Variants in CTNNBL1 observed in about 807,000 individuals in gnomAD.
CTNNBL1 encodes the protein beta-catenin-like protein 1.
CTNNBL1 carries 31 observed loss-of-function variants against 72.7 expected under a neutral mutation model. The observed-to-expected ratio is 0.43, with a 90% CI of 0.32 to 0.58. CTNNBL1 has a LOEUF of 0.58. CTNNBL1 is among the 20% of genes least tolerant of loss of function. The pLI, the probability that CTNNBL1 is intolerant of heterozygous loss-of-function variation, is 0.08. For synonymous variants in CTNNBL1, 240 were observed against 267.3 expected, an observed-to-expected ratio of 0.90 and a Z score of 1.00; for missense variants, 534 against 725.1, an observed-to-expected ratio of 0.74 and a Z score of 3.03.
At chr20:37,808,259 C>A (rs2071977678) in intron 11 of CTNNBL1, among the ~76,000 whole-genome samples, 1 of 152,194 alleles carries the variant, frequency 6.6e-6, no homozygotes. Context: ...TATCAGGAAG[C>A]ATACGGCTGC....
At chr20:37,716,157 G>T (rs1208126634) in intron 1 of CTNNBL1, among the ~76,000 whole-genome samples, 1 of 152,094 alleles carries the variant, frequency 6.6e-6, no homozygotes, top group Admixed American at 6.5e-5. Context: ...ATTACCTTTG[G>T]TAGAGCTTCT....
intron 1 of CTNNBL1, among the ~76,000 whole-genome samples, chr20:37,717,480 AAAT>A (rs1392983177): frequency 6.6e-6 from 1 of 152,226 alleles, no homozygotes; most frequent in Non-Finnish European, 1.5e-5. Context: ...TTAAACCTAT[AAAT>A]AATTTTAAAT....
chr20:37,737,973 G>A (rs6020577), intron 3 of CTNNBL1, among the ~76,000 whole-genome samples: 6 of 152,248 alleles, frequency 3.9e-5, no homozygotes, highest in African/African-American at 9.6e-5. Context: ...TCAGTGCCCC[G>A]GGCTGACAAA....
chr20:37,833,224 T>A (rs2072226580), intron 11 of CTNNBL1, among the ~76,000 whole-genome samples: 1 of 152,206 alleles, frequency 6.6e-6, no homozygotes, highest in Non-Finnish European at 1.5e-5. Context: ...CTGAAAATTA[T>A]AAAACTCGAA....
At chr20:37,848,445 TG>T (rs973598526) in intron 13 of CTNNBL1, among the ~76,000 whole-genome samples, 21 of 152,138 alleles carry the variant, frequency 1.4e-4, no homozygotes, top group Admixed American at 5.2e-4. Context: ...CCTGAGCCAC[TG>T]CGCCTAGCCT....
intron 15 of CTNNBL1, among the ~76,000 whole-genome samples, chr20:37,866,752 C>T (rs1239791532): frequency 1.3e-5 from 2 of 152,160 alleles, no homozygotes; most frequent in African/African-American, 4.8e-5. Context: ...ATAAATATTG[C>T]CTCTCTCAGG....
At chr20:37,783,139 G>A (rs2122699236) in intron 10 of CTNNBL1, among the ~76,000 whole-genome samples, 1 of 152,268 alleles carries the variant, frequency 6.6e-6, no homozygotes, top group East Asian at 1.9e-4. Context: ...TTGAACTCCT[G>A]AGCTCAAGCT....
chr20:37,721,969 A>G (rs2073043936), intron 1 of CTNNBL1, among the ~76,000 whole-genome samples: 1 of 152,214 alleles, frequency 6.6e-6, no homozygotes, highest in Non-Finnish European at 1.5e-5. Context: ...GCAAGTATCA[A>G]CAGTTCTTGT....
At chr20:37,777,561 T>C in intron 8 of CTNNBL1, 93 bp from the exon 9 acceptor site, 2 of 1,403,884 alleles carry the variant, frequency 1.4e-6, no homozygotes, top group Non-Finnish European at 2.0e-6. Context: ...TCAAGCTGTA[T>C]TGATTTTGTT....
chr20:37,725,072 A>AT (rs1294711477), intron 1 of CTNNBL1, among the ~76,000 whole-genome samples: 1 of 151,614 alleles, frequency 6.6e-6, no homozygotes, highest in Non-Finnish European at 1.5e-5. Flanking sequence ...TGCTCGGCTA[A>AT]TTTTTTAAAT....
chr20:37,800,705 T>C (rs1008421876), intron 10 of CTNNBL1, among the ~76,000 whole-genome samples: 1 of 152,244 alleles, frequency 6.6e-6, no homozygotes, highest in Admixed American at 6.5e-5. Context: ...AGAACCAACA[T>C]GTTGAATTGC....
intron 11 of CTNNBL1, among the ~76,000 whole-genome samples, chr20:37,839,094 A>G (rs928081250): frequency 2.0e-5 from 3 of 152,140 alleles, no homozygotes; most frequent in Non-Finnish European, 4.4e-5. Context: ...AAATCTAAGG[A>G]CTGAATAACT....
At chr20:37,740,529 G>A (rs1422514321) in intron 3 of CTNNBL1, among the ~76,000 whole-genome samples, 3 of 152,204 alleles carry the variant, frequency 2.0e-5, no homozygotes, top group African/African-American at 7.2e-5. Flanking sequence ...TGACTAGAGT[G>A]TGCTGTTTCC....
intron 10 of CTNNBL1, among the ~76,000 whole-genome samples, chr20:37,781,366 A>G (rs2073624102): frequency 6.6e-6 from 1 of 152,200 alleles, no homozygotes; most frequent in Non-Finnish European, 1.5e-5. Flanking sequence ...ATATTTCTGC[A>G]GCATATGGCT....
chr20:37,848,592 A>G (rs6067854), intron 13 of CTNNBL1, among the ~76,000 whole-genome samples: 124,546 of 152,016 alleles, frequency 0.82, 51,096 homozygotes, highest in Middle Eastern at 0.89. Flanking sequence ...CTAATACCCA[A>G]TTTCAACCAT....
At chr20:37,832,861 C>A (rs1242302279) in intron 11 of CTNNBL1, among the ~76,000 whole-genome samples, 7 of 151,668 alleles carry the variant, frequency 4.6e-5, no homozygotes, top group African/African-American at 1.7e-4. Flanking sequence ...ATGGTGCACA[C>A]TATAAATGGC....
intron 1 of CTNNBL1, among the ~76,000 whole-genome samples, chr20:37,720,352 G>C (rs972776712): frequency 1.3e-5 from 2 of 151,858 alleles, no homozygotes; most frequent in African/African-American, 4.8e-5. Context: ...GTAGACACAG[G>C]GTCTCACCGT....
At chr20:37,786,499 T>C (rs1383381434) in intron 10 of CTNNBL1, among the ~76,000 whole-genome samples, 1 of 152,204 alleles carries the variant, frequency 6.6e-6, no homozygotes, top group Admixed American at 6.5e-5. Flanking sequence ...GGCATCTTTT[T>C]TTAGAGAACC....
chr20:37,730,696 G>A (rs771710090), intron 1 of CTNNBL1, among the ~76,000 whole-genome samples: 31 of 152,194 alleles, frequency 2.0e-4, no homozygotes, highest in Admixed American at 6.5e-5. Flanking sequence ...GGCAAAATGA[G>A]CTGGCTGCAG....
Sources: gnomAD v4.1 joint callset for allele counts (sites outside exome capture counted in the v4.1 genomes callset) on GRCh38, gnomAD v4.1.1 for gene constraint, MANE v1.5 for transcripts, NCBI Gene and HGNC (gene_info 2026-07-23, HGNC 2026-07-21) for gene names.